Variants in PIEZO2 observed in about 807,000 individuals in gnomAD.
PIEZO2 encodes piezo-type mechanosensitive ion channel component 2.
In PIEZO2, 172 loss-of-function variants were observed where a neutral mutation model predicts 337.3. That is an observed-to-expected ratio of 0.51 (90% confidence interval 0.45 to 0.58). PIEZO2 has a LOEUF of 0.58. Ranked by LOEUF, PIEZO2 falls within the 20% of genes least tolerant of loss-of-function variation. The pLI is 0.00. For synonymous variants in PIEZO2, 1,251 were observed against 1,228.5 expected, an observed-to-expected ratio of 1.02 and a Z score of -0.38; for missense variants, 3,028 against 3,391.3, an observed-to-expected ratio of 0.89 and a Z score of 2.66.
chr18:10,720,725 A>AT (rs894435775), intron 36 of PIEZO2, among the ~76,000 whole-genome samples: 2 of 151,998 alleles, frequency 1.3e-5, no homozygotes, highest in African/African-American at 4.8e-5. Flanking sequence ...GATTACAGGC[A>AT]TAAGCCACAG....
chr18:11,021,436 T>C lies in PIEZO2; in HGVS notation c.161-41776A>G, dbSNP rs1394217710. Among the ~76,000 whole-genome samples the C allele has an allele frequency of 2.0e-5, 3 of 151,916 alleles. No homozygotes were observed. Among genetic ancestry groups the C allele is most frequent in the Non-Finnish European group, 4.4e-5 (3 of 67,926 alleles). On this transcript the variant is annotated intron_variant, in intron 2 of 55. Coordinates refer to ENST00000674853, the MANE Select transcript of PIEZO2 (RefSeq NM_001378183.1). This position sits in a 1 kb window ranked among gnomAD's most constrained non-coding sequence, Gnocchi z 4.7. ...GTGTGTCTGAAACAATGTTTCCTTC[T>C]CTCCTCCTCCCCACTGCAAGGGCTC...
chr18:10,775,919 GAA>G lies in PIEZO2; in HGVS notation c.2535-1883_2535-1882del, dbSNP rs11310497. Reference sequence around the variant, plus strand: ...GAGCTTGTAATGGATGACAAAAAAAGAAAAAAAAAAAGAAATTATGTATCAGG... The same window carrying G: ...GAGCTTGTAATGGATGACAAAAAAAGAAAAAAAAAGAAATTATGTATCAGG... On this transcript the variant is annotated intron_variant, in intron 18 of 55. Coordinates refer to ENST00000674853, the MANE Select transcript of PIEZO2 (RefSeq NM_001378183.1). The surrounding 1 kb of genome is among the most constrained non-coding windows in gnomAD (Gnocchi z 4.3). Among the ~76,000 whole-genome samples, 76 of 150,248 alleles carry G rather than the reference GAA, an allele frequency of 5.1e-4. No homozygotes were observed. In the South Asian group the frequency reaches 5.3e-3, roughly 10 times the overall value.
chr18:10,741,783 T>G (rs2037227330), intron 32 of PIEZO2, among the ~76,000 whole-genome samples: 1 of 152,202 alleles, frequency 6.6e-6, no homozygotes. Flanking sequence ...TACACATACA[T>G]ATTTCATTTC....
At position 10,964,407 on chromosome 18, in the gene PIEZO2, G is replaced by T. The variant is rs375505159; in HGVS notation, c.286+15128C>A. ...CAACCTTGTAAAATATATTTGCAGA[G>T]AATAATAGCAAATATTCTACAGAAA... is the stretch of plus-strand genomic sequence containing the variant. On this transcript the variant is annotated intron_variant, in intron 3 of 55. Transcript: ENST00000674853. Among the ~76,000 whole-genome samples the T allele has an allele frequency of 2.0e-5, 3 of 152,030 alleles. No homozygotes were observed. The East Asian group carries it at 5.8e-4, about 29-fold the overall frequency.
chr18:10,747,883 G>T (rs1267649177), intron 30 of PIEZO2, among the ~76,000 whole-genome samples: 1 of 152,112 alleles, frequency 6.6e-6, no homozygotes, highest in East Asian at 1.9e-4. Flanking sequence ...CCTAGGCAAG[G>T]TCTGAGTTTC....
At chr18:11,008,085 T>C (rs1290383170) in intron 2 of PIEZO2, among the ~76,000 whole-genome samples, 1 of 152,206 alleles carries the variant, frequency 6.6e-6, no homozygotes, top group Non-Finnish European at 1.5e-5. Flanking sequence ...TATGTATATA[T>C]GAGGAAAACA....
rs1756013081 is a variant in PIEZO2 at position 10,872,146 on chromosome 18, G to A, written c.330-731C>T. On this transcript the variant is annotated intron_variant, in intron 4 of 55. Transcript: ENST00000674853. The surrounding 1 kb of genome is among the most constrained non-coding windows in gnomAD (Gnocchi z 4.3). ...TATAAATACATATACATGAAATAAT[G>A]TTCGTGAAAGTTCTTTGTAAAGAAT... Among the ~76,000 whole-genome samples, 1 of 152,188 alleles carries A rather than the reference G, an allele frequency of 6.6e-6. No homozygotes were observed. Among genetic ancestry groups the A allele is most frequent in the Admixed American group, 6.5e-5 (1 of 15,278 alleles).
intron 7 of PIEZO2, among the ~76,000 whole-genome samples, chr18:10,816,751 T>C (rs981724391): frequency 6.6e-6 from 1 of 152,116 alleles, no homozygotes; most frequent in African/African-American, 2.4e-5. Context: ...GTAATTTATG[T>C]CTTAGGGAGG....
At position 10,773,556 on chromosome 18, in the gene PIEZO2, C is replaced by T. The variant is rs1037318951; in HGVS notation, c.2641G>A (p.Val881Met). Residue 881 changes from valine (V) to methionine (M), a missense_variant, in exon 20 of 56, where the codon GTG becomes ATG. Coordinates refer to ENST00000674853, the MANE Select transcript of PIEZO2 (RefSeq NM_001378183.1). This position sits in a 1 kb window ranked among gnomAD's most constrained non-coding sequence, Gnocchi z 5.3. ...TCCCCAGGCTCAGCCAACTTCCTCA[C>T]CTCCGGCTTCTCCAGGCTGGCAGTC... ...HLTASLEKPE[V>M]RKLAEPGEEK... 8.5e-6 allele frequency: 13 copies of T among 1,537,366 alleles called. No individual in the cohort carries two copies. Among genetic ancestry groups the T allele is most frequent in the Non-Finnish European group, 1.1e-5 (13 of 1,146,982 alleles).
chr18:10,842,885 G>A (rs1020891467), intron 7 of PIEZO2, among the ~76,000 whole-genome samples: 14 of 152,192 alleles, frequency 9.2e-5, no homozygotes, highest in African/African-American at 3.4e-4. Context: ...CGTTTGTCAA[G>A]TTGTCTTAGC....
rs560781252 is a variant in PIEZO2, at chr18:10,870,703, T to C, written c.492+550A>G. 7.4e-4 allele frequency among the ~76,000 whole-genome samples: 112 copies of C among 152,280 alleles called. 1 individual carries two copies. Among genetic ancestry groups the C allele is most frequent in the African/African-American group, 2.6e-3 (107 of 41,550 alleles). On this transcript the variant is annotated intron_variant, in intron 5 of 55. Coordinates refer to ENST00000674853, the MANE Select transcript of PIEZO2 (RefSeq NM_001378183.1). This position sits in a 1 kb window ranked among gnomAD's most constrained non-coding sequence, Gnocchi z 5.3. ...TAGCAAACATACATCTCGTTCATTATTTTTACCTTTTTAAAATTCTCACAC... is the reference window on the plus strand; with the variant it reads ...TAGCAAACATACATCTCGTTCATTACTTTTACCTTTTTAAAATTCTCACAC...
chr18:10,678,030 A>AT (rs1204421152), intron 52 of PIEZO2, among the ~76,000 whole-genome samples, 155 bp from the exon 53 acceptor site: 9 of 152,184 alleles, frequency 5.9e-5, no homozygotes, highest in Admixed American at 5.9e-4. Context: ...CTTCACCTCA[A>AT]TGCTCAGCTT....
intron 23 of PIEZO2, among the ~76,000 whole-genome samples, chr18:10,762,295 G>A (rs754767768): frequency 6.6e-6 from 1 of 152,134 alleles, no homozygotes; most frequent in Non-Finnish European, 1.5e-5. Flanking sequence ...CTTTATTCAA[G>A]CAATCTCAGA....
chr18:11,023,696 G>C (rs1045505796), intron 2 of PIEZO2, among the ~76,000 whole-genome samples: 1 of 152,212 alleles, frequency 6.6e-6, no homozygotes, highest in African/African-American at 2.4e-5. Context: ...TGTGGAGCAG[G>C]GGGCGGCGCT....
At position 11,143,625 on chromosome 18, in the gene PIEZO2, A is replaced by ACTCTCTCTCTCT. The variant is rs1568412608; in HGVS notation, c.64+4899_64+4900insAGAGAGAGAGAG. Among the ~76,000 whole-genome samples the ACTCTCTCTCTCT allele has an allele frequency of 7.1e-6, 1 of 140,872 alleles. No homozygotes were observed. Among genetic ancestry groups the ACTCTCTCTCTCT allele is most frequent in the African/African-American group, 2.8e-5 (1 of 35,732 alleles). 92.4% of individuals were successfully genotyped at this position (140,872 alleles called of 152,430 possible). A position where few individuals can be genotyped will look rare whatever the true frequency, so the allele number is the denominator to read the frequency against. ...AACACACACACACACACACACACACACACACACACACACACTCTCTCTCTC... is the reference window on the plus strand; with the variant it reads ...AACACACACACACACACACACACACACTCTCTCTCTCTCACACACACACACACTCTCTCTCTC... On this transcript the variant is annotated intron_variant, in intron 1 of 55. Coordinates refer to ENST00000674853, the MANE Select transcript of PIEZO2 (RefSeq NM_001378183.1). The surrounding 1 kb of genome is among the most constrained non-coding windows in gnomAD (Gnocchi z 4.9).
intron 7 of PIEZO2, among the ~76,000 whole-genome samples, chr18:10,840,548 C>T (rs1268442729): frequency 1.3e-5 from 2 of 152,000 alleles, no homozygotes; most frequent in Non-Finnish European, 2.9e-5. Flanking sequence ...AACCCAGTCT[C>T]TCTTGAATAA....
chr18:11,133,533 A>C (rs749817615), intron 1 of PIEZO2, among the ~76,000 whole-genome samples: 3 of 152,204 alleles, frequency 2.0e-5, no homozygotes, highest in Non-Finnish European at 4.4e-5. Flanking sequence ...TAGGGAAGGC[A>C]GATCCACCCT....
chr18:10,978,942 A>G (rs2034554137), intron 3 of PIEZO2, among the ~76,000 whole-genome samples: 1 of 152,182 alleles, frequency 6.6e-6, no homozygotes, highest in African/African-American at 2.4e-5. Context: ...TACTATCTAG[A>G]TAAAACATGT....
In PIEZO2 at chr18:10,699,010, C is replaced by T. The variant is rs769749598; in HGVS notation, c.6609G>A (p.Gln2203=). The T allele has an allele frequency of 4.6e-6, 7 of 1,537,092 alleles. No homozygotes were observed. The South Asian group carries it at 7.1e-5, about 16-fold the overall frequency. ...AGCGCTTCCTCCGGACAGCTGTCTG[C>T]TGCTCCGGGAAGGTCACATGCACTG... ...VESVHVTFPE[Q]QTAVRRKRSG... Residue 2203 remains glutamine (Q), a synonymous_variant, in exon 44 of 56, where the codon CAG becomes CAA. Transcript: ENST00000674853.
Sources: allele counts gnomAD v4.1 joint callset (sites outside exome capture counted in the v4.1 genomes callset), GRCh38; gene constraint gnomAD v4.1.1; non-coding constraint Gnocchi (gnomAD v3.1); transcripts MANE v1.5; gene names NCBI Gene and HGNC (gene_info 2026-07-23, HGNC 2026-07-21).